DMD: variants seen among roughly 807,000 people sequenced by gnomAD.
DMD encodes the protein mutant dystrophin.
In DMD, 63 loss-of-function variants were observed where a neutral mutation model predicts 330.1. The ratio of observed to expected loss-of-function variants is 0.19; its 90% confidence interval spans 0.16 to 0.24. The LOEUF (loss-of-function observed/expected upper bound fraction) is 0.24, where lower values mean the gene tolerates loss of function less well. DMD is among the 10% of genes least tolerant of loss of function. The pLI is 1.00. For synonymous variants in DMD, 1,223 were observed against 959.8 expected, an observed-to-expected ratio of 1.27 and a Z score of -5.07; for missense variants, 3,344 against 2,684.1, an observed-to-expected ratio of 1.25 and a Z score of -5.43.
chrX:32,727,490 CTTAA>C (rs768478192), intron 7 of DMD, among the ~76,000 whole-genome samples: 1 of 110,240 alleles, frequency 9.1e-6, no homozygotes, highest in Non-Finnish European at 1.9e-5. Flanking sequence ...CTATAATCAC[CTTAA>C]TTAATTTTTC....
rs5972778 is a variant in DMD at position 33,208,228 on chromosome X, T to C, written c.31+3054A>G. 6.1e-3 allele frequency among the ~76,000 whole-genome samples: 679 copies of C among 111,896 alleles called. 5 individuals carry two copies. The highest frequency in any genetic ancestry group is 0.021 in the African/African-American group (657 of 30,874). On this transcript the variant is annotated intron_variant, in intron 1 of 78. Coordinates refer to ENST00000357033, the MANE Select transcript of DMD (RefSeq NM_004006.3). ...ATGTCAAATTCCTACCATTATAAAT[T>C]CTTTTAACTCTCTAATCTGCATTAA...
rs748043737 is a variant in DMD at position 32,728,905 on chromosome X, A to T, written c.650-29612T>A. On this transcript the variant is annotated intron_variant, in intron 7 of 78. Transcript: ENST00000357033. ...TAGTCTTTCCATCTTGCCATGCCAA[A>T]CTGAAATACTTTTACCTATCCACTC... Among the ~76,000 whole-genome samples the T allele has an allele frequency of 2.2e-4, 25 of 111,878 alleles. No individual in the cohort carries two copies. The Admixed American group carries it at 2.4e-3, about 11-fold the overall frequency.
chrX:32,462,951 C>A (rs1449731159), intron 25 of DMD, among the ~76,000 whole-genome samples: 1 of 110,826 alleles, frequency 9.0e-6, no homozygotes, highest in Non-Finnish European at 1.9e-5. Flanking sequence ...CAGAGGGAGA[C>A]CCTGTCCCAA....
At chrX:32,980,733 T>C (rs1381979613) in intron 2 of DMD, among the ~76,000 whole-genome samples, 1 of 111,797 alleles carries the variant, frequency 8.9e-6, no homozygotes, top group Non-Finnish European at 1.9e-5. Flanking sequence ...ATAGATGGAG[T>C]TTGAGAAAAT....
Position 31,173,593 on chromosome X carries a change from G to T in DMD, c.10274C>A (p.Ser3425Tyr). The T allele has an allele frequency of 8.3e-7, 1 of 1,209,685 alleles. No individual in the cohort carries two copies. The highest frequency in any genetic ancestry group is 1.1e-6 in the Non-Finnish European group (1 of 894,038). ...FWPVDSAPAS[S>Y]PQLSHDDTHS... is the part of the protein sequence containing the mutation. ...AGTATCATCGTGTGAAAGCTGAGGG[G>T]ACGAGGCAGGCCTATAAGGCAGAAA... The change falls in exon 72 of 79, where the codon TCC becomes TAC. Residue 3425 changes from serine (S) to tyrosine (Y), a missense_variant. Coordinates refer to ENST00000357033, the MANE Select transcript of DMD (RefSeq NM_004006.3).
intron 62 of DMD, among the ~76,000 whole-genome samples, chrX:31,269,396 A>G (rs1288237651): frequency 9.0e-6 from 1 of 111,182 alleles, no homozygotes; most frequent in Non-Finnish European, 1.9e-5. Flanking sequence ...CGGACATGAA[A>G]AGAGCCTGAA....
intron 7 of DMD, among the ~76,000 whole-genome samples, chrX:32,723,271 G>A (rs1263480641): frequency 9.0e-6 from 1 of 110,907 alleles, no homozygotes; most frequent in African/African-American, 3.3e-5. Flanking sequence ...GTGTCCTAGG[G>A]CTAAACCCAC....
At chrX:31,669,140 G>A (rs2081599559) in intron 53 of DMD, among the ~76,000 whole-genome samples, 1 of 111,813 alleles carries the variant, frequency 8.9e-6, no homozygotes, top group African/African-American at 3.2e-5. Flanking sequence ...TGGGATTGCT[G>A]GATCCTATGG....
At chrX:31,476,478 C>T (rs2067792307) in intron 59 of DMD, among the ~76,000 whole-genome samples, 1 of 99,053 alleles carries the variant, frequency 1.0e-5, no homozygotes, top group Non-Finnish European at 2.0e-5. Flanking sequence ...CTGCCCATAT[C>T]ACCCCTTTTT....
chrX:32,033,370 A>G lies in DMD; in HGVS notation c.6439-64856T>C, dbSNP rs751275605. ...CATGTAGTATTTATTAAGATGATAG[A>G]TCTCATGTTAAATGTCATTAACACA... On this transcript the variant is annotated intron_variant, in intron 44 of 78. Coordinates refer to ENST00000357033, the MANE Select transcript of DMD (RefSeq NM_004006.3). 4.5e-5 allele frequency among the ~76,000 whole-genome samples: 5 copies of G among 110,440 alleles called. No individual in the cohort carries two copies. The East Asian group carries it at 1.1e-3, about 25-fold the overall frequency.
intron 2 of DMD, among the ~76,000 whole-genome samples, chrX:32,864,548 A>G (rs756557511): frequency 1.1e-3 from 123 of 112,139 alleles, no homozygotes; most frequent in African/African-American, 3.7e-3. Flanking sequence ...AATTGCTCCT[A>G]ATTGTAGGTC....
Position 32,305,575 on chromosome X carries a change from G to A in DMD, c.6117+4507C>T, listed in dbSNP as rs5971619. Among the ~76,000 whole-genome samples the A allele has an allele frequency of 1.6e-3, 178 of 111,209 alleles. 1 individual carries two copies. Among genetic ancestry groups the A allele is most frequent in the African/African-American group, 5.6e-3 (171 of 30,714 alleles). On this transcript the variant is annotated intron_variant, in intron 42 of 78. Transcript: ENST00000357033. ...ACTACCGACCAAGTCCAAGCCACCA[G>A]CATCTCTTTTTCAACTCTTGTTGAT...
chrX:31,383,372 A>G (rs1251033188), intron 60 of DMD, among the ~76,000 whole-genome samples: 1 of 112,464 alleles, frequency 8.9e-6, no homozygotes, highest in East Asian at 2.8e-4. Flanking sequence ...CGCGAGTGAA[A>G]GTTGTAACAA....
chrX:33,100,404 C>A (rs893825700), intron 1 of DMD, among the ~76,000 whole-genome samples: 1 of 111,387 alleles, frequency 9.0e-6, no homozygotes, highest in African/African-American at 3.3e-5. Flanking sequence ...AAGATGGAAA[C>A]GATGAAGCCG....
intron 1 of DMD, among the ~76,000 whole-genome samples, chrX:33,197,197 A>C (rs2050991426): frequency 8.9e-6 from 1 of 111,765 alleles, no homozygotes; most frequent in South Asian, 3.7e-4. Context: ...AGCCTTCAGA[A>C]AACCAAGAGC....
At chrX:32,036,750 A>C in intron 44 of DMD, among the ~76,000 whole-genome samples, 1 of 112,124 alleles carries the variant, frequency 8.9e-6, no homozygotes. Flanking sequence ...AATGTCAAGT[A>C]AGAGGAAAAG....
intron 48 of DMD, among the ~76,000 whole-genome samples, chrX:31,860,509 C>T (rs1204432581): frequency 8.9e-6 from 1 of 112,058 alleles, no homozygotes; most frequent in Non-Finnish European, 1.9e-5. Context: ...AGAAAGCCCC[C>T]AGCTGCTCAG....
chrX:32,280,513 A>C (rs903078455), intron 43 of DMD, among the ~76,000 whole-genome samples: 2 of 111,445 alleles, frequency 1.8e-5, no homozygotes, highest in African/African-American at 6.5e-5. Flanking sequence ...CCAGTCTTGC[A>C]TAAAAATCTT....
At chrX:31,922,272 A>G (rs188316855) in intron 47 of DMD, among the ~76,000 whole-genome samples, 1 of 111,298 alleles carries the variant, frequency 9.0e-6, no homozygotes, top group Non-Finnish European at 1.9e-5. Context: ...AGGGCATGGA[A>G]GCTCCATGCC....
Sources: gnomAD v4.1 joint callset for allele counts (sites outside exome capture counted in the v4.1 genomes callset) on GRCh38, gnomAD v4.1.1 for gene constraint, MANE v1.5 for transcripts, NCBI Gene and HGNC (gene_info 2026-07-23, HGNC 2026-07-21) for gene names.